CAMK2A: variants seen among roughly 807,000 people sequenced by gnomAD.
CAMK2A encodes the protein calcium/calmodulin-dependent protein kinase type II subunit alpha.
Under a neutral mutation model 79.2 loss-of-function variants are expected in CAMK2A, and 7 were observed. The observed-to-expected ratio is 0.09, with a 90% CI of 0.05 to 0.17. The LOEUF is 0.17. Among genes scored for constraint, CAMK2A ranks in the 10% least tolerant of loss-of-function variants. The pLI is 1.00. For missense variants in CAMK2A, 214 were observed against 646.4 expected, an observed-to-expected ratio of 0.33 and a Z score of 7.25; for synonymous variants, 242 against 251.7, an observed-to-expected ratio of 0.96 and a Z score of 0.36.
chr5:150,258,722 T>G (rs1303667090), intron 3 of CAMK2A, among the ~76,000 whole-genome samples: 1 of 152,240 alleles, frequency 6.6e-6, no homozygotes, highest in African/African-American at 2.4e-5. Flanking sequence ...ATGTTTGCCA[T>G]GTGCATATAT....
At chr5:150,257,839 T>C (rs1756127608) in intron 3 of CAMK2A, among the ~76,000 whole-genome samples, 3 of 152,286 alleles carry the variant, frequency 2.0e-5, no homozygotes, top group Admixed American at 1.3e-4. Flanking sequence ...GGCTTCAACA[T>C]GAAAGATGCC....
At chr5:150,286,971 A>G (rs1419065802) in intron 1 of CAMK2A, among the ~76,000 whole-genome samples, 8 of 152,144 alleles carry the variant, frequency 5.3e-5, no homozygotes, top group African/African-American at 1.9e-4. Flanking sequence ...TTTTATCTCC[A>G]GACTACAGGT....
At chr5:150,239,114 A>G (rs1755223837) in intron 14 of CAMK2A, among the ~76,000 whole-genome samples, 2 of 151,912 alleles carry the variant, frequency 1.3e-5, no homozygotes. Flanking sequence ...GGAGGAAGAG[A>G]GAGAGAGGGA....
In CAMK2A at chr5:150,256,451, A is replaced by G; in HGVS notation, c.411+122T>C. The G allele has an allele frequency of 3.0e-6, 2 of 675,262 alleles. No individual in the cohort carries two copies. Among genetic ancestry groups the G allele is most frequent in the South Asian group, 3.6e-5 (2 of 55,700 alleles). 41.8% of individuals were successfully genotyped at this position (675,262 alleles called of 1,614,324 possible). On this transcript the variant is annotated intron_variant, in intron 6 of 18. Coordinates refer to ENST00000671881, the MANE Select transcript of CAMK2A (RefSeq NM_015981.4). This position sits in a 1 kb window ranked among gnomAD's most constrained non-coding sequence, Gnocchi z 4.6. ...TGGGGAAAATAATCTCACCCACCCC[A>G]CCTTCCAGCCTAACACAGAGAAATT...
intron 3 of CAMK2A, among the ~76,000 whole-genome samples, chr5:150,264,447 G>C (rs543322339): frequency 6.6e-6 from 1 of 152,232 alleles, no homozygotes; most frequent in Non-Finnish European, 1.5e-5. Context: ...CCATCCCCAC[G>C]GGTTCTGCTG....
chr5:150,271,257 T>C (rs1020467115), intron 2 of CAMK2A, among the ~76,000 whole-genome samples: 1 of 152,216 alleles, frequency 6.6e-6, no homozygotes, highest in African/African-American at 2.4e-5. Flanking sequence ...CTTTTCATAC[T>C]GACTGTATAG....
chr5:150,251,687 C>T (rs911559206), intron 9 of CAMK2A, 63 bp downstream of exon 9: 13 of 1,289,944 alleles, frequency 1.0e-5, no homozygotes, highest in Admixed American at 2.4e-5. Flanking sequence ...AGTGGCTTGG[C>T]GCTGGCTTTC....
intron 16 of CAMK2A, 49 bp downstream of exon 16, chr5:150,231,256 C>G (rs750111360): frequency 8.6e-7 from 1 of 1,162,034 alleles, no homozygotes; most frequent in South Asian, 1.5e-5. Flanking sequence ...TTGGTACCCC[C>G]TGAACAACAA....
intron 11 of CAMK2A, 58 bp downstream of exon 11, chr5:150,250,168 G>T: frequency 7.7e-7 from 1 of 1,296,508 alleles, no homozygotes; most frequent in Non-Finnish European, 1.1e-6. Flanking sequence ...TGGCCTCTGT[G>T]GAGACCCAGG....
Position 150,258,673 on chromosome 5 carries a change from G to A in CAMK2A, c.218-1056C>T, listed in dbSNP as rs189879878. ...GAATTGGGGGAGTTGGGTCATGAGAGGAGACTCACTTTTCACTATGAATCC... is the reference window on the plus strand; with the variant it reads ...GAATTGGGGGAGTTGGGTCATGAGAAGAGACTCACTTTTCACTATGAATCC... On this transcript the variant is annotated intron_variant, in intron 3 of 18. Transcript: ENST00000671881. Among the ~76,000 whole-genome samples, 13 of 152,326 alleles carry A rather than the reference G, an allele frequency of 8.5e-5. No individual in the cohort carries two copies. The East Asian group carries it at 2.1e-3, about 25-fold the overall frequency.
chr5:150,238,988 T>C (rs1238017244), intron 14 of CAMK2A, among the ~76,000 whole-genome samples: 1 of 152,090 alleles, frequency 6.6e-6, no homozygotes, highest in Non-Finnish European at 1.5e-5. Flanking sequence ...CTGGCCTTTC[T>C]GGAAGGACTG....
intron 15 of CAMK2A, among the ~76,000 whole-genome samples, chr5:150,235,414 G>T (rs896398795): frequency 2.6e-5 from 4 of 152,316 alleles, no homozygotes; most frequent in Non-Finnish European, 5.9e-5. Flanking sequence ...TGTTCACCCA[G>T]ACAATCCGGG....
chr5:150,233,106 G>T (rs1220631245), intron 15 of CAMK2A, among the ~76,000 whole-genome samples: 1 of 152,190 alleles, frequency 6.6e-6, no homozygotes, highest in Non-Finnish European at 1.5e-5. Context: ...CTTGCTCACT[G>T]CGTCCTGGAG....
At position 150,221,987 on chromosome 5, in the gene CAMK2A, C is replaced by A; in HGVS notation, c.*723G>T. The stretch of plus-strand genomic sequence containing the variant: ...TGCCCCCCAAAAACAATTAGATTCC[C>A]TCTCTGAGATACGACAAAGCTGGAA... On this transcript the variant is annotated 3_prime_UTR_variant, in exon 19 of 19. Transcript: ENST00000671881. 1 of 195,560 alleles carries A rather than the reference C, an allele frequency of 5.1e-6. No homozygotes were observed. Among genetic ancestry groups the A allele is most frequent in the Non-Finnish European group, 1.1e-5 (1 of 95,112 alleles). The allele number at this position is 195,560 out of a possible 1,614,324, so 12.1% of individuals were successfully genotyped here. A position where few individuals can be genotyped will look rare whatever the true frequency, so the allele number is the denominator to read the frequency against.
At chr5:150,287,902 C>T (rs895137731) in intron 1 of CAMK2A, among the ~76,000 whole-genome samples, 6 of 151,298 alleles carry the variant, frequency 4.0e-5, no homozygotes, top group African/African-American at 1.5e-4. Flanking sequence ...GGTATATGTG[C>T]TCAAGGGAGG....
intron 15 of CAMK2A, among the ~76,000 whole-genome samples, chr5:150,232,389 C>G (rs890355871): frequency 6.6e-6 from 1 of 152,156 alleles, no homozygotes; most frequent in African/African-American, 2.4e-5. Context: ...CTCCCTAGGC[C>G]CCTGCCAGGG....
chr5:150,262,896 A>T lies in CAMK2A; in HGVS notation c.217+2060T>A, dbSNP rs1251141339. ...TCTGACTGCAAACCCCATTCTCCTA[A>T]CCACCATGTTATATATAATATAGTG... is the stretch of plus-strand genomic sequence containing the variant. On this transcript the variant is annotated intron_variant, in intron 3 of 18. Transcript: ENST00000671881. Among the ~76,000 whole-genome samples, 12 of 152,182 alleles carry T rather than the reference A, an allele frequency of 7.9e-5. No individual in the cohort carries two copies. The South Asian group carries it at 1.7e-3, about 21-fold the overall frequency.
chr5:150,267,668 A>G (rs1756569269), intron 2 of CAMK2A, among the ~76,000 whole-genome samples: 2 of 152,108 alleles, frequency 1.3e-5, no homozygotes, highest in South Asian at 2.1e-4. Context: ...TCATTTTCCA[A>G]TATACAGAGA....
At chr5:150,238,639 G>T in intron 15 of CAMK2A, 61 bp downstream of exon 15, 1 of 1,476,952 alleles carries the variant, frequency 6.8e-7, no homozygotes, top group Non-Finnish European at 9.3e-7. Context: ...AGGAAAAAGA[G>T]GTCTGCTCAG....
Sources: gnomAD v4.1 joint callset for allele counts (sites outside exome capture counted in the v4.1 genomes callset) on GRCh38, gnomAD v4.1.1 for gene constraint, Gnocchi (gnomAD v3.1) non-coding constraint, MANE v1.5 for transcripts, NCBI Gene and HGNC (gene_info 2026-07-23, HGNC 2026-07-21) for gene names.